TREM1: variants seen among roughly 807,000 people sequenced by gnomAD.
TREM1 encodes the protein triggering receptor expressed on myeloid cells 1.
In TREM1, 16 loss-of-function variants were observed where a neutral mutation model predicts 22.4. That is an observed-to-expected ratio of 0.71 (90% CI 0.48 to 1.08). The LOEUF is 1.08. Ranked by LOEUF, TREM1 falls within the 50% of genes least tolerant of loss-of-function variation. The probability of loss-of-function intolerance (pLI) is 0.00; values close to 1 mark genes in which losing one functional copy is unlikely to be tolerated. For synonymous variants in TREM1, 110 were observed against 111.6 expected (o/e 0.99, Z 0.09); for missense variants, 283 against 282.9 (o/e 1.00, Z 0.00).
Position 41,282,440 on chromosome 6 carries a change from C to T in TREM1, c.361G>A (p.Glu121Lys), listed in dbSNP as rs565227078. 5.0e-6 allele frequency: 8 copies of T among 1,614,078 alleles called. No homozygotes were observed. The South Asian group carries it at 8.8e-5, about 18-fold the overall frequency. The stretch of plus-strand genomic sequence containing the variant: ...ATGCGATCGAACAGCATGTGAGGCT[C>T]CTTGGGAGGCTGGTAGATCACACAC... Reference protein sequence around the residue: ...YQCVIYQPPKEPHMLFDRIRL... With the variant: ...YQCVIYQPPKKPHMLFDRIRL... Residue 121 changes from glutamate to lysine, a missense_variant, in exon 2 of 4, where the codon GAG becomes AAG. Glu to Lys is a moderately conservative substitution (Grantham distance 56). Transcript: ENST00000244709.
intron 1 of TREM1, among the ~76,000 whole-genome samples, chr6:41,283,145 A>T (rs548105807): frequency 3.9e-4 from 59 of 152,316 alleles, no homozygotes; most frequent in African/African-American, 1.4e-3. Context: ...ACGCAAAGAC[A>T]CGGTGCTAGC....
chr6:41,270,446 AATATATATATATATATATATATAT>A (rs68021402), downstream of TREM1, among the ~76,000 whole-genome samples: 110,443 of 144,144 alleles, frequency 0.77, 41,910 homozygotes, highest in Middle Eastern at 0.84. Flanking sequence ...GATATTATAT[AATATATATATATATATATATATAT>A]ATATATATAT....
rs1767988651 is a variant in TREM1 at position 41,282,732 on chromosome 6, T to C, written c.69A>G (p.Lys23=). Residue 23 remains lysine, a synonymous_variant, in exon 2 of 4, where the codon AAA becomes AAG. Transcript: ENST00000244709. ...LFVSELRAAT[K]LTEEKYELKE... The stretch of plus-strand genomic sequence containing the variant: ...TCAGTTCATACTTTTCCTCAGTTAA[T>C]TTAGTTGCAGCTCGGAGTTCTATAA... 6.2e-7 allele frequency: 1 copy of C among 1,613,308 alleles called. No homozygotes were observed. Among genetic ancestry groups the C allele is most frequent in the South Asian group, 1.1e-5 (1 of 91,022 alleles).
At chr6:41,268,131 T>C (rs1767380401) in intron 3 of TREM1, 2 of 398,516 alleles carry the variant, frequency 5.0e-6, no homozygotes, top group Admixed American at 8.8e-5. Context: ...AGGGAGCCCA[T>C]ACAGGAGATA....
At chr6:41,271,309 C>T (rs1002850446), downstream of TREM1, among the ~76,000 whole-genome samples, 1 of 152,140 alleles carries the variant, frequency 6.6e-6, no homozygotes, top group Admixed American at 6.5e-5. Context: ...CCCTCTGATA[C>T]CTGTGAGTCG....
At chr6:41,276,378 G>C in intron 3 of TREM1, 148 bp from the exon 4 acceptor site, 1 of 654,358 alleles carries the variant, frequency 1.5e-6, no homozygotes, top group African/African-American at 1.8e-5. Context: ...GTGCTTTTCA[G>C]TCTGTCTCAT....
intron 3 of TREM1, 150 bp downstream of exon 3, chr6:41,280,811 C>T (rs1303653674): frequency 4.7e-6 from 7 of 1,491,838 alleles, no homozygotes; most frequent in Non-Finnish European, 4.5e-6. Flanking sequence ...TTCCTTCTTC[C>T]CCTGGACATT....
chr6:41,276,299 A>C, intron 3 of TREM1, 69 bp from the exon 4 acceptor site: 1 of 1,190,842 alleles, frequency 8.4e-7, no homozygotes, highest in East Asian at 2.4e-5. Context: ...TTCCCTCTAG[A>C]AAATGCCTTC....
chr6:41,270,480 T>TA (rs1767452641), downstream of TREM1, among the ~76,000 whole-genome samples: 1 of 129,358 alleles, frequency 7.7e-6, no homozygotes, highest in Non-Finnish European at 1.7e-5. Context: ...TATATATATA[T>TA]ATCTTAGCAA....
chr6:41,276,312 G>A, intron 3 of TREM1, 82 bp from the exon 4 acceptor site: 5 of 962,466 alleles, frequency 5.2e-6, no homozygotes, highest in East Asian at 2.5e-5. Context: ...ATGCCTTCAT[G>A]TCCCACTCTC....
chr6:41,268,862 A>G (rs1767403347), downstream of TREM1, among the ~76,000 whole-genome samples: 1 of 152,292 alleles, frequency 6.6e-6, no homozygotes, highest in African/African-American at 2.4e-5. Context: ...TGCATCATTG[A>G]TTTGTAATCA....
In TREM1 at chr6:41,280,254, A is replaced by G. The variant is rs187611199; in HGVS notation, c.599+707T>C. On this transcript the variant is annotated intron_variant, in intron 3 of 3. Transcript: ENST00000244709. The stretch of plus-strand genomic sequence containing the variant: ...TAATGATAAACACATTCTAATATAA[A>G]TCAACATTTAATAACTGTAAAGAGG... 4 of 979,306 alleles carry G rather than the reference A, an allele frequency of 4.1e-6. No homozygotes were observed. In the East Asian group the frequency reaches 3.4e-4, roughly 84 times the overall value. The allele number at this position is 979,306 out of a possible 1,614,324, so 60.7% of individuals were successfully genotyped here. A position where few individuals can be genotyped will look rare whatever the true frequency, so the allele number is the denominator to read the frequency against.
At position 41,276,183 on chromosome 6, in the gene TREM1, C is replaced by G. The variant is rs137958968; in HGVS notation, c.647G>C (p.Ser216Thr). 1.9e-6 allele frequency: 3 copies of G among 1,614,142 alleles called. No homozygotes were observed. The highest frequency in any genetic ancestry group is 1.7e-6 in the Non-Finnish European group (2 of 1,180,016). ...IVILLAGGFL[S>T]KSLVFSVLFA... Reference sequence around the variant, plus strand: ...CAGGACAGAGAAGACCAGGCTCTTACTCAGGAATCCACCAGCCAGGAGAAT... The same window carrying G: ...CAGGACAGAGAAGACCAGGCTCTTAGTCAGGAATCCACCAGCCAGGAGAAT... Residue 216 changes from serine to threonine, a missense_variant, in exon 4 of 4, where the codon AGT (serine) becomes ACT (threonine). Ser to Thr is a moderately conservative substitution (Grantham distance 58). Coordinates refer to ENST00000244709, the MANE Select transcript of TREM1 (RefSeq NM_018643.5).
intron 2 of TREM1, chr6:41,282,011 CCA>C: frequency 4.6e-6 from 1 of 217,338 alleles, no homozygotes; most frequent in Non-Finnish European, 9.3e-6. Context: ...AATAAGATCC[CCA>C]GGTGGTCTGT....
chr6:41,272,802 G>A (rs1767520292), downstream of TREM1, among the ~76,000 whole-genome samples: 1 of 152,150 alleles, frequency 6.6e-6, no homozygotes. Context: ...AACCACCATG[G>A]ATTGAAGTCC....
intron 1 of TREM1, among the ~76,000 whole-genome samples, chr6:41,283,932 C>A (rs1157583145): frequency 6.6e-6 from 1 of 151,678 alleles, no homozygotes; most frequent in Non-Finnish European, 1.5e-5. Flanking sequence ...ATAGGCTGCC[C>A]GAGAATGGCT....
chr6:41,278,067 G>T (rs1031545746), intron 3 of TREM1, among the ~76,000 whole-genome samples: 4 of 151,480 alleles, frequency 2.6e-5, no homozygotes, highest in African/African-American at 9.7e-5. Context: ...GACCATGGGT[G>T]CATGCCACCA....
At position 41,276,077 on chromosome 6, in the gene TREM1, A is replaced by C. The variant is rs1448780309; in HGVS notation, c.*48T>G. 3 of 1,449,520 alleles carry C rather than the reference A, an allele frequency of 2.1e-6. No individual in the cohort carries two copies. 89.8% of individuals were successfully genotyped at this position (1,449,520 alleles called of 1,614,324 possible). A position where few individuals can be genotyped will look rare whatever the true frequency, so the allele number is the denominator to read the frequency against. On this transcript the variant is annotated 3_prime_UTR_variant, in exon 4 of 4. Transcript: ENST00000244709. The stretch of plus-strand genomic sequence containing the variant: ...TCCCTCCTCCCTTGGCACAACTGCC[A>C]GATGGATGTGGCTGGAAGTCAGAGG...
At chr6:41,270,962 T>C (rs2113968978), downstream of TREM1, among the ~76,000 whole-genome samples, 1 of 152,262 alleles carries the variant, frequency 6.6e-6, no homozygotes, top group African/African-American at 2.4e-5. Context: ...CACCTCAGCC[T>C]CCCAAAGTGT....
Sources: allele counts gnomAD v4.1 joint callset (sites outside exome capture counted in the v4.1 genomes callset), GRCh38; gene constraint gnomAD v4.1.1; transcripts MANE v1.5; gene names NCBI Gene and HGNC (gene_info 2026-07-23, HGNC 2026-07-21).